TMEM232: variants seen among roughly 807,000 people sequenced by gnomAD.
The protein encoded by TMEM232 is transmembrane protein 232.
TMEM232 carries 80 observed loss-of-function variants against 78.8 expected under a neutral mutation model. The ratio of observed to expected loss-of-function variants is 1.01; its 90% CI spans 0.85 to 1.22. The LOEUF (loss-of-function observed/expected upper bound fraction) is 1.22, where lower values mean the gene tolerates loss of function less well. Among genes scored for constraint, TMEM232 ranks in the 50% most tolerant of loss-of-function variants. TMEM232 has a pLI of 0.00. For synonymous variants in TMEM232, 297 were observed against 254.3 expected, an observed-to-expected ratio of 1.17 and a Z score of -1.60; for missense variants, 881 against 742.2, an observed-to-expected ratio of 1.19 and a Z score of -2.17.
chr5:110,435,948 G>C (rs1758385086), intron 12 of TMEM232, among the ~76,000 whole-genome samples: 1 of 151,706 alleles, frequency 6.6e-6, no homozygotes, highest in Admixed American at 6.6e-5. Context: ...TCTATATATG[G>C]ATTTCCTATT....
chr5:110,447,481 C>CAA (rs1759795196), intron 12 of TMEM232, among the ~76,000 whole-genome samples: 1 of 151,994 alleles, frequency 6.6e-6, no homozygotes, highest in Non-Finnish European at 1.5e-5. Flanking sequence ...AATGCCAGTC[C>CAA]TATATAGAGA....
intron 10 of TMEM232, among the ~76,000 whole-genome samples, chr5:110,596,190 C>T (rs576776448): frequency 6.6e-6 from 1 of 151,936 alleles, no homozygotes; most frequent in African/African-American, 2.4e-5. Context: ...ATATCACCAC[C>T]GATCCCACAG....
chr5:110,487,744 G>T (rs192184117), intron 12 of TMEM232, among the ~76,000 whole-genome samples: 1 of 152,020 alleles, frequency 6.6e-6, no homozygotes, highest in Non-Finnish European at 1.5e-5. Flanking sequence ...TATATTCAAA[G>T]ATACTGATCT....
intron 12 of TMEM232, among the ~76,000 whole-genome samples, chr5:110,427,527 T>C (rs1023490096): frequency 5.9e-5 from 9 of 151,934 alleles, no homozygotes; most frequent in African/African-American, 2.2e-4. Flanking sequence ...TCAAGAAAGA[T>C]GGTATACTAG....
intron 12 of TMEM232, among the ~76,000 whole-genome samples, chr5:110,480,670 C>A (rs1323940514): frequency 6.6e-6 from 1 of 151,894 alleles, no homozygotes; most frequent in Admixed American, 6.6e-5. Context: ...GCTCAAGATG[C>A]AAAAATGGCA....
intron 12 of TMEM232, among the ~76,000 whole-genome samples, chr5:110,472,500 A>G (rs944367677): frequency 1.3e-5 from 2 of 151,982 alleles, no homozygotes; most frequent in African/African-American, 4.8e-5. Context: ...AGTCAATGCA[A>G]TACCTATCAA....
chr5:110,497,792 A>G (rs1434548578), intron 12 of TMEM232, among the ~76,000 whole-genome samples: 1 of 152,096 alleles, frequency 6.6e-6, no homozygotes. Flanking sequence ...ACCCTTGGAT[A>G]TGGGTCATAT....
chr5:110,595,866 G>A (rs376556355), intron 10 of TMEM232, among the ~76,000 whole-genome samples: 1 of 152,046 alleles, frequency 6.6e-6, no homozygotes, highest in African/African-American at 2.4e-5. Context: ...GATATTATCC[G>A]GAAGAACTTC....
intron 1 of TMEM232, chr5:110,685,041 A>G (rs1402073101): frequency 6.6e-6 from 1 of 152,148 alleles, no homozygotes; most frequent in East Asian, 1.9e-4. Context: ...AACACAATTG[A>G]GTTAGAAAAT....
At chr5:110,492,323 A>G (rs1348880730) in intron 12 of TMEM232, among the ~76,000 whole-genome samples, 1 of 152,016 alleles carries the variant, frequency 6.6e-6, no homozygotes, top group African/African-American at 2.4e-5. Flanking sequence ...ACAAAACATA[A>G]GTAAACTGAA....
chr5:110,457,650 C>G (rs1445756233), intron 12 of TMEM232, among the ~76,000 whole-genome samples: 1 of 151,912 alleles, frequency 6.6e-6, no homozygotes, highest in African/African-American at 2.4e-5. Flanking sequence ...ATAATTAAAT[C>G]TGCAATATAA....
At chr5:110,659,306 G>A (rs1789488725) in intron 2 of TMEM232, among the ~76,000 whole-genome samples, 1 of 152,068 alleles carries the variant, frequency 6.6e-6, no homozygotes, top group Non-Finnish European at 1.5e-5. Flanking sequence ...TTGGTGTCCA[G>A]CAGAAAAAGA....
At chr5:110,392,843 A>C (rs1755253494) in intron 3 of TMEM232, among the ~76,000 whole-genome samples, 1 of 152,208 alleles carries the variant, frequency 6.6e-6, no homozygotes, top group South Asian at 2.1e-4. Flanking sequence ...CTTGGTCAGC[A>C]TAACACTCTA....
intron 1 of TMEM232, among the ~76,000 whole-genome samples, chr5:110,700,167 T>C (rs1446144464): frequency 6.6e-6 from 1 of 152,084 alleles, no homozygotes; most frequent in Non-Finnish European, 1.5e-5. Flanking sequence ...CTAAGATTGC[T>C]TGCTGGTCAG....
At chr5:110,482,309 C>T (rs1763956399) in intron 12 of TMEM232, among the ~76,000 whole-genome samples, 2 of 152,014 alleles carry the variant, frequency 1.3e-5, no homozygotes, top group African/African-American at 2.4e-5. Context: ...GGCCTGGCAT[C>T]GTGGCTCACT....
At chr5:110,672,557 CA>C (rs1791496720) in intron 1 of TMEM232, among the ~76,000 whole-genome samples, 1 of 151,938 alleles carries the variant, frequency 6.6e-6, no homozygotes, top group Non-Finnish European at 1.5e-5. Flanking sequence ...CAAACAACTT[CA>C]AATTTCCAAA....
intron 2 of TMEM232, among the ~76,000 whole-genome samples, chr5:110,401,702 T>G (rs1337869548): frequency 1.3e-5 from 2 of 152,108 alleles, no homozygotes; most frequent in East Asian, 3.9e-4. Flanking sequence ...AAGAGCAGAA[T>G]GTATATTTTT....
At chr5:110,648,283 T>C (rs1030645370) in intron 2 of TMEM232, among the ~76,000 whole-genome samples, 1 of 151,982 alleles carries the variant, frequency 6.6e-6, no homozygotes, top group Non-Finnish European at 1.5e-5. Flanking sequence ...GTAATAGAAA[T>C]TCTCACAAAC....
intron 12 of TMEM232, among the ~76,000 whole-genome samples, chr5:110,499,555 C>T (rs1380863216): frequency 1.3e-5 from 2 of 151,006 alleles, no homozygotes; most frequent in African/African-American, 4.9e-5. Flanking sequence ...CACGCCTGGC[C>T]AAGAGATACA....
Sources: allele counts gnomAD v4.1 joint callset (sites outside exome capture counted in the v4.1 genomes callset), GRCh38; gene constraint gnomAD v4.1.1; transcripts MANE v1.5; gene names NCBI Gene and HGNC (gene_info 2026-07-23, HGNC 2026-07-21).